Variants in CCDC30 observed in about 807,000 individuals in gnomAD.
CCDC30 encodes coiled-coil domain containing 30, also known as coiled-coil domain-containing protein 30.
CCDC30 carries 70 observed loss-of-function variants against 100.2 expected under a neutral mutation model. That is an observed-to-expected ratio of 0.70 (90% CI 0.58 to 0.85). The LOEUF (loss-of-function observed/expected upper bound fraction) is 0.85, where lower values mean the gene tolerates loss of function less well. Among genes scored for constraint, CCDC30 ranks in the 40% least tolerant of loss-of-function variants. The pLI, the probability that CCDC30 is intolerant of heterozygous loss-of-function variation, is 0.00. For synonymous variants in CCDC30, 233 were observed against 269.5 expected (o/e 0.86, Z 1.33); for missense variants, 652 against 771.2 (o/e 0.85, Z 1.83).
chr1:42,642,695 T>C (rs1218775051), intron 13 of CCDC30, 86 bp downstream of exon 17: 2 of 1,276,542 alleles, frequency 1.6e-6, no homozygotes, highest in Non-Finnish European at 2.0e-6. Flanking sequence ...AGACTGTCCT[T>C]TGAGTTTGTA....
intron 6 of CCDC30, among the ~76,000 whole-genome samples, chr1:42,511,381 G>C (rs1644475132): frequency 6.6e-6 from 1 of 152,120 alleles, no homozygotes; most frequent in South Asian, 2.1e-4. Context: ...CCCTTTAATG[G>C]AGAAAGGGTA....
intron 7 of CCDC30, among the ~76,000 whole-genome samples, chr1:42,570,250 C>T (rs964950850): frequency 1.3e-4 from 19 of 151,666 alleles, no homozygotes; most frequent in Non-Finnish European, 2.2e-4. Flanking sequence ...TGCTTGAGCC[C>T]AGGGATTTGA....
intron 10 of CCDC30, chr1:42,593,640 G>C (rs1440359603): frequency 6.6e-6 from 1 of 152,082 alleles, no homozygotes; most frequent in Middle Eastern, 3.2e-3. Context: ...ACATCCTGAG[G>C]CTGCCCCAGA....
chr1:42,504,590 T>C (rs764215191), intron 6 of CCDC30, among the ~76,000 whole-genome samples: 1 of 152,232 alleles, frequency 6.6e-6, no homozygotes, highest in Non-Finnish European at 1.5e-5. Context: ...GCTGCTGAAA[T>C]GTTAATAGTG....
intron 6 of CCDC30, among the ~76,000 whole-genome samples, chr1:42,530,221 C>T (rs754423027): frequency 6.6e-6 from 1 of 152,208 alleles, no homozygotes; most frequent in Non-Finnish European, 1.5e-5. Flanking sequence ...ACCTTCACCT[C>T]ATTATTTAGG....
chr1:42,653,573 C>T, intron 16 of CCDC30, 130 bp downstream of exon 20: 2 of 670,604 alleles, frequency 3.0e-6, no homozygotes, highest in South Asian at 3.8e-5. Context: ...GGGTCATTTT[C>T]TCTACATGAA....
At chr1:42,462,746 T>TA (rs1272187595), upstream of CCDC30, among the ~76,000 whole-genome samples, 1 of 151,908 alleles carries the variant, frequency 6.6e-6, no homozygotes, top group Non-Finnish European at 1.5e-5. Flanking sequence ...ACGTTCATCT[T>TA]ACCTGAATTT....
chr1:42,513,003 T>G (rs547351751), intron 6 of CCDC30, among the ~76,000 whole-genome samples: 1 of 152,188 alleles, frequency 6.6e-6, no homozygotes, highest in Non-Finnish European at 1.5e-5. Flanking sequence ...AACCTCAAAA[T>G]TAAAGGACAG....
chr1:42,611,839 G>C (rs1181002293), intron 11 of CCDC30, among the ~76,000 whole-genome samples: 1 of 152,054 alleles, frequency 6.6e-6, no homozygotes, highest in African/African-American at 2.4e-5. Context: ...GGCTCACCCA[G>C]CTCACTTTTT....
At chr1:42,580,219 A>G (rs1168614964) in intron 8 of CCDC30, among the ~76,000 whole-genome samples, 4 of 152,212 alleles carry the variant, frequency 2.6e-5, no homozygotes, top group Admixed American at 2.6e-4. Flanking sequence ...AACTAAATAG[A>G]ACAGCTCCAA....
At chr1:42,568,393 G>C (rs1248784974) in intron 7 of CCDC30, among the ~76,000 whole-genome samples, 1 of 152,132 alleles carries the variant, frequency 6.6e-6, no homozygotes, top group African/African-American at 2.4e-5. Flanking sequence ...GGGATTACAG[G>C]TGTGAGCCAC....
At chr1:42,517,771 G>A (rs1644578237) in intron 6 of CCDC30, among the ~76,000 whole-genome samples, 1 of 152,148 alleles carries the variant, frequency 6.6e-6, no homozygotes. Flanking sequence ...TATCAAATAT[G>A]CAAGATCAAA....
exon 6 of CCDC30, chr1:42,498,907 G>A (rs1301859877): frequency 8.1e-7 from 1 of 1,232,280 alleles, no homozygotes; most frequent in African/African-American, 1.6e-5. Context: ...GTGGTGAACA[G>A]AGAGAACAGG....
chr1:42,496,122 AGTGTGTGTGTGTGTGT>A (rs56267063), intron 4 of CCDC30, among the ~76,000 whole-genome samples: 3 of 147,304 alleles, frequency 2.0e-5, no homozygotes, highest in African/African-American at 7.5e-5. Context: ...TTATTTGTGG[AGTGTGTGTGTGTGTGT>A]GTGTGTGTGT....
intron 1 of CCDC30, among the ~76,000 whole-genome samples, chr1:42,469,607 A>G (rs1643699712): frequency 6.6e-6 from 1 of 152,118 alleles, no homozygotes; most frequent in Non-Finnish European, 1.5e-5. Flanking sequence ...AGAAAAGAAA[A>G]TGCTTCCCTA....
chr1:42,521,212 C>G (rs1644640306), intron 6 of CCDC30: 1 of 152,684 alleles, frequency 6.5e-6, no homozygotes, highest in Admixed American at 6.6e-5. Flanking sequence ...ATCTCCTGAC[C>G]TCATGATCCA....
intron 11 of CCDC30, among the ~76,000 whole-genome samples, chr1:42,613,088 C>T (rs1646656027): frequency 6.6e-6 from 1 of 152,056 alleles, no homozygotes; most frequent in Admixed American, 6.6e-5. Context: ...GAATTCGGGG[C>T]AAATCTAAAA....
At chr1:42,561,115 C>T (rs372744562) in intron 6 of CCDC30, among the ~76,000 whole-genome samples, 6 of 152,294 alleles carry the variant, frequency 3.9e-5, no homozygotes, top group Admixed American at 6.5e-5. Flanking sequence ...ATTAAGCCAG[C>T]ATCATTCTGA....
rs183162744 is a variant in CCDC30, at chr1:42,623,959, G to T, written c.1277+12869G>T. Among the ~76,000 whole-genome samples the T allele has an allele frequency of 2.6e-5, 4 of 151,992 alleles. No homozygotes were observed. The East Asian group carries it at 7.7e-4, about 29-fold the overall frequency. Reference sequence around the variant, plus strand: ...AGAGATCTTTCACTTTGTTGGTTAAGCTAATTCCTAGGTATTTAATTTTAT... The same window carrying T: ...AGAGATCTTTCACTTTGTTGGTTAATCTAATTCCTAGGTATTTAATTTTAT... On this transcript the variant is annotated intron_variant, in intron 11 of 16. Transcript: ENST00000668663.
Sources: allele counts gnomAD v4.1 joint callset (sites outside exome capture counted in the v4.1 genomes callset), GRCh38; gene constraint gnomAD v4.1.1; transcripts MANE v1.5; gene names NCBI Gene and HGNC (gene_info 2026-07-23, HGNC 2026-07-21).